The following RAET1L variants were observed in gnomAD, a reference collection of about 807,000 sequenced individuals.
RAET1L encodes the protein UL16-binding protein 6.
Under a neutral mutation model 23.9 loss-of-function variants are expected in RAET1L, and 16 were observed. That is an observed-to-expected ratio of 0.67 (90% CI 0.45 to 1.02). The LOEUF is 1.02. Among genes scored for constraint, RAET1L ranks in the 50% least tolerant of loss-of-function variants. RAET1L has a pLI of 0.00. For synonymous variants in RAET1L, 70 were observed against 111.2 expected, an observed-to-expected ratio of 0.63 and a Z score of 2.33; for missense variants, 233 against 304.0, an observed-to-expected ratio of 0.77 and a Z score of 1.74.
At position 150,024,423 on chromosome 6, in the gene RAET1L, G is replaced by T. The variant is rs1582849578; in HGVS notation, c.85+964C>A. On this transcript the variant is annotated intron_variant, in intron 1 of 4. Transcript: ENST00000367341. ...CTGCTGTTGCTCTACAAAGGGACAG[G>T]ACTGGACACAGAGACGGAGAACCCA... Among the ~76,000 whole-genome samples the T allele has an allele frequency of 4.6e-5, 7 of 152,282 alleles. No homozygotes were observed. The South Asian group carries it at 1.5e-3, about 32-fold the overall frequency.
chr6:150,021,950 C>G (rs771741792), intron 2 of RAET1L, 30 bp downstream of exon 2: 1 of 1,608,736 alleles, frequency 6.2e-7, no homozygotes, highest in South Asian at 1.1e-5. Context: ...TGTATCTGCT[C>G]CCTGCTGTCC....
chr6:150,019,893 ACTCT>A (rs577383753), intron 4 of RAET1L, among the ~76,000 whole-genome samples: 7 of 123,552 alleles, frequency 5.7e-5, no homozygotes, highest in Admixed American at 5.5e-4. Flanking sequence ...TTCCCTCTGG[ACTCT>A]GAAGGTGAGA....
intron 3 of RAET1L, among the ~76,000 whole-genome samples, chr6:150,020,698 A>T (rs1476850303): frequency 6.6e-6 from 1 of 152,116 alleles, no homozygotes; most frequent in Non-Finnish European, 1.5e-5. Context: ...AAGCAAGTGC[A>T]GTGAGGAATA....
intron 1 of RAET1L, among the ~76,000 whole-genome samples, chr6:150,024,218 C>T (rs1329241227): frequency 6.6e-6 from 1 of 152,202 alleles, no homozygotes; most frequent in Admixed American, 6.5e-5. Flanking sequence ...CACATCCACA[C>T]CACCCAGAAG....
chr6:150,024,651 T>A (rs764763324), intron 1 of RAET1L, among the ~76,000 whole-genome samples: 7 of 152,036 alleles, frequency 4.6e-5, no homozygotes, highest in Non-Finnish European at 1.0e-4. Flanking sequence ...CCATCCCCCC[T>A]GCACAGGTTC....
At chr6:150,025,023 C>A (rs1228972494) in intron 1 of RAET1L, among the ~76,000 whole-genome samples, 4 of 152,196 alleles carry the variant, frequency 2.6e-5, no homozygotes, top group African/African-American at 9.6e-5. Flanking sequence ...TGGTACCCCC[C>A]TTCACCCAGT....
chr6:150,021,089 TAG>T lies in RAET1L; in HGVS notation c.445_446del (p.Leu149ThrfsTer3). 1 of 1,614,102 alleles carries T rather than the reference TAG, an allele frequency of 6.2e-7. No homozygotes were observed. Among genetic ancestry groups the T allele is most frequent in the Non-Finnish European group, 8.5e-7 (1 of 1,180,020 alleles). On this transcript the variant is annotated frameshift_variant, in exon 3 of 5. Transcript: ENST00000367341. LOFTEE classifies it high-confidence loss of function. The part of the protein sequence containing the change: ...WQFSIDGQTF[L>X]LFDSEKRMWT... ...ACATTCTCTTCTCTGAGTCAAAGAG[TAG>T]GAAGGTCTGTCCATCGATACTGAAC...
At position 150,025,386 on chromosome 6, in the gene RAET1L, C is replaced by A; in HGVS notation, c.85+1G>T. On this transcript the variant is annotated splice_donor_variant, in intron 1 of 4. Transcript: ENST00000367341. LOFTEE classifies it high-confidence loss of function. ...CGCTTAGGCTCCATCCACCAGCTCA[C>A]CGTCTCGCCTAGCCCGGGACCAGCC... 6.2e-7 allele frequency: 1 copy of A among 1,613,162 alleles called. No homozygotes were observed. Among genetic ancestry groups the A allele is most frequent in the Non-Finnish European group, 8.5e-7 (1 of 1,179,284 alleles).
chr6:150,023,372 G>A (rs1438291714), intron 1 of RAET1L, among the ~76,000 whole-genome samples: 1 of 151,768 alleles, frequency 6.6e-6, no homozygotes, highest in Non-Finnish European at 1.5e-5. Flanking sequence ...TGCCTAATTT[G>A]CAGAATGAAG....
At chr6:150,023,899 A>T (rs1160802555) in intron 1 of RAET1L, among the ~76,000 whole-genome samples, 1 of 152,180 alleles carries the variant, frequency 6.6e-6, no homozygotes, top group Non-Finnish European at 1.5e-5. Context: ...AAGCTTAGGG[A>T]TGCCTATTCC....
Position 150,022,137 on chromosome 6 carries a change from A to G in RAET1L, c.192T>C (p.Tyr64=), listed in dbSNP as rs1160958918. ...GQVDEKTFLH[Y]DCGNKTVTPV... is the part of the protein sequence containing the mutation. ...GTGTGACTGTCTTGTTGCCACAGTC[A>G]TAGTGAAGAAAAGTCTTTTCATCCA... Residue 64 remains tyrosine, a synonymous_variant, in exon 2 of 5, where the codon TAT becomes TAC. Coordinates refer to ENST00000367341, the MANE Select transcript of RAET1L (RefSeq NM_130900.3). 6.2e-7 allele frequency: 1 copy of G among 1,600,398 alleles called. No homozygotes were observed. The highest frequency in any genetic ancestry group is 8.5e-7 in the Non-Finnish European group (1 of 1,175,236).
At chr6:150,020,780 G>C (rs13218839) in intron 3 of RAET1L, 125 bp downstream of exon 3, 622,612 of 1,490,668 alleles carry the variant, frequency 0.42, 134,840 homozygotes, top group Non-Finnish European at 0.45. Context: ...AGGAGGGCCC[G>C]ACGAGGAGGT....
intron 4 of RAET1L, among the ~76,000 whole-genome samples, chr6:150,019,306 T>C (rs1447525874): frequency 6.6e-6 from 1 of 152,216 alleles, no homozygotes; most frequent in East Asian, 1.9e-4. Flanking sequence ...CCCATAGTTC[T>C]GAAGGTGACT....
chr6:150,021,960 C>T lies in RAET1L; in HGVS notation c.349+20G>A, dbSNP rs1207948339. 5 of 1,606,282 alleles carry T rather than the reference C, an allele frequency of 3.1e-6. No individual in the cohort carries two copies. The Admixed American group carries it at 8.4e-5, about 27-fold the overall frequency. ...ACCACTGTATCTGCTCCCTGCTGTC[C>T]TGGGCCATCTGAAACTTACCCTTGG... On this transcript the variant is annotated intron_variant, in intron 2 of 4. Coordinates refer to ENST00000367341, the MANE Select transcript of RAET1L (RefSeq NM_130900.3).
Position 150,021,132 on chromosome 6 carries a change from C to T in RAET1L, c.404G>A (p.Ser135Asn), listed in dbSNP as rs766502207. 9.3e-6 allele frequency: 15 copies of T among 1,614,134 alleles called. No individual in the cohort carries two copies. In the South Asian group the frequency reaches 1.6e-4, roughly 18 times the overall value. ...GATACTGAACTGCCAAGATCCACTG[C>T]TGTGTCCTTCAGCTTTCTGCTCACA... ...MSCEQKAEGH[S>N]SGSWQFSIDG... is the part of the protein sequence containing the mutation. Residue 135 changes from serine to asparagine, a missense_variant, in exon 3 of 5, where the codon AGC (serine) becomes AAC (asparagine). By Grantham distance (46) the Ser-to-Asn change is conservative. Coordinates refer to ENST00000367341, the MANE Select transcript of RAET1L (RefSeq NM_130900.3).
At chr6:150,023,659 C>T (rs1779912768) in intron 1 of RAET1L, among the ~76,000 whole-genome samples, 1 of 152,170 alleles carries the variant, frequency 6.6e-6, no homozygotes, top group South Asian at 2.1e-4. Flanking sequence ...CTTAAGTGCC[C>T]AATGACCCAA....
At chr6:150,023,070 G>T (rs1265407386) in intron 1 of RAET1L, among the ~76,000 whole-genome samples, 4 of 134,000 alleles carry the variant, frequency 3.0e-5, no homozygotes, top group Non-Finnish European at 6.3e-5. Flanking sequence ...CCTGAAATCT[G>T]CTCCCAGAGT....
intron 1 of RAET1L, among the ~76,000 whole-genome samples, chr6:150,023,271 G>A (rs9479422): frequency 0.026 from 3,931 of 152,142 alleles, 177 homozygotes; most frequent in African/African-American, 0.09. Context: ...AACCCACCCC[G>A]GATACTGCTG....
chr6:150,024,907 A>T (rs1306201690), intron 1 of RAET1L, among the ~76,000 whole-genome samples: 1 of 152,048 alleles, frequency 6.6e-6, no homozygotes, highest in Non-Finnish European at 1.5e-5. Context: ...GTGCGGGGAA[A>T]ACAAAGGCAG....
Sources: allele counts gnomAD v4.1 joint callset (sites outside exome capture counted in the v4.1 genomes callset), GRCh38; gene constraint gnomAD v4.1.1; transcripts MANE v1.5; gene names NCBI Gene and HGNC (gene_info 2026-07-23, HGNC 2026-07-21).